The following GGA1 variants were observed in gnomAD, a reference collection of about 807,000 sequenced individuals.
GGA1 encodes ADP-ribosylation factor-binding protein GGA1.
GGA1 carries 18 observed loss-of-function variants against 76.9 expected under a neutral mutation model. The observed-to-expected ratio is 0.23, with a 90% CI of 0.16 to 0.35. The LOEUF is 0.35. Ranked by LOEUF, GGA1 falls within the 10% of genes least tolerant of loss-of-function variation. GGA1 has a pLI of 1.00. For missense variants in GGA1, 755 were observed against 859.0 expected, an observed-to-expected ratio of 0.88 and a Z score of 1.51; for synonymous variants, 342 against 354.7, an observed-to-expected ratio of 0.96 and a Z score of 0.40.
chr22:37,624,923 C>G lies in GGA1; in HGVS notation c.833-46C>G. The stretch of plus-strand genomic sequence containing the variant: ...GTCCTCGTCCCCTGCCGCCCAGAGG[C>G]CCCCACAGTCCTTCAGCCTGGCCTC... On this transcript the variant is annotated intron_variant, in intron 9 of 16. Transcript: ENST00000343632. This position sits in a 1 kb window ranked among gnomAD's most constrained non-coding sequence, Gnocchi z 4.3. 6.5e-7 allele frequency: 1 copy of G among 1,544,704 alleles called. No individual in the cohort carries two copies. Among genetic ancestry groups the G allele is most frequent in the African/African-American group, 1.4e-5 (1 of 73,254 alleles).
At position 37,609,070 on chromosome 22, in the gene GGA1, GGACCCC is replaced by G. The variant is rs541287084; in HGVS notation, c.43+169_43+174del. On this transcript the variant is annotated intron_variant, in intron 1 of 16. Coordinates refer to ENST00000343632, the MANE Select transcript of GGA1 (RefSeq NM_013365.5). ...GCCCCTCAGACCCTGGAGCGATGGA[GGACCCC>G]GGCCCCGGCGCGGTCCAGCGGTGGG... is the stretch of plus-strand genomic sequence containing the variant. The G allele has an allele frequency of 3.4e-6, 5 of 1,490,530 alleles. No individual in the cohort carries two copies. In the African/African-American group the frequency reaches 5.9e-5, roughly 17 times the overall value. The allele number at this position is 1,490,530 out of a possible 1,614,324, so 92.3% of individuals were successfully genotyped here. A position where few individuals can be genotyped will look rare whatever the true frequency, so the allele number is the denominator to read the frequency against.
At chr22:37,613,256 C>T (rs1361026198) in intron 1 of GGA1, 5 of 744,514 alleles carry the variant, frequency 6.7e-6, no homozygotes, top group African/African-American at 1.9e-5. Context: ...CGCATCTTTC[C>T]TGCCCATACA....
intron 1 of GGA1, among the ~76,000 whole-genome samples, chr22:37,611,841 A>C (rs1185127096): frequency 6.6e-6 from 1 of 152,246 alleles, no homozygotes; most frequent in Non-Finnish European, 1.5e-5. Flanking sequence ...CCATGCAAAA[A>C]GTATTTTGTC....
Position 37,614,202 on chromosome 22 carries a change from AC to A in GGA1, c.61del (p.Leu21Ter). On this transcript the variant is annotated frameshift_variant, in exon 2 of 17. Transcript: ENST00000343632. LOFTEE classifies it high-confidence loss of function. ...TLEARINRAT[N>X]PLNKELDWAS... ...TCTCCTCTTCCAGATAGAGCCACGAACCCCCTGAACAAGGAGCTCGACTGGG... is the reference window on the plus strand; with the variant it reads ...TCTCCTCTTCCAGATAGAGCCACGAACCCCTGAACAAGGAGCTCGACTGGG... The A allele has an allele frequency of 6.2e-7, 1 of 1,612,896 alleles. No individual in the cohort carries two copies. Among genetic ancestry groups the A allele is most frequent in the Non-Finnish European group, 8.5e-7 (1 of 1,179,218 alleles).
rs144361028 is a variant in GGA1 at position 37,623,441 on chromosome 22, G to C, written c.724G>C (p.Ala242Pro). 1.3e-4 allele frequency: 205 copies of C among 1,614,090 alleles called. No individual in the cohort carries two copies. Among genetic ancestry groups the C allele is most frequent in the Non-Finnish European group, 1.5e-4 (176 of 1,179,984 alleles). Residue 242 changes from alanine (A) to proline (P), a missense_variant, in exon 8 of 17, where the codon GCT becomes CCT. Ala to Pro is a conservative substitution (Grantham distance 27). Transcript: ENST00000343632. The surrounding 1 kb of genome is among the most constrained non-coding windows in gnomAD (Gnocchi z 4.6). Reference sequence around the variant, plus strand: ...GAGCCACAGCCAGGGCGGCGCAGCAGCTGGCAGCAGCGAGGACCTCATGAA... The same window carrying C: ...GAGCCACAGCCAGGGCGGCGCAGCACCTGGCAGCAGCGAGGACCTCATGAA... ...VMSHSQGGAAAGSSEDLMKEL... is the reference protein window; with the variant it reads ...VMSHSQGGAAPGSSEDLMKEL...
Position 37,617,860 on chromosome 22 carries a change from G to A in GGA1, c.205-588G>A, listed in dbSNP as rs146919706. On this transcript the variant is annotated intron_variant, in intron 3 of 16. Transcript: ENST00000343632. ...AAAATAGGCCGGGCTGGTGGCTCAC[G>A]CCTGTAATCCCAGCACTTTGGCAGG... 1.7e-3 allele frequency: 1,152 copies of A among 692,648 alleles called. 15 individuals carry two copies. In the African/African-American group the frequency reaches 0.021, roughly 13 times the overall value. The allele number at this position is 692,648 out of a possible 1,614,324, so 42.9% of individuals were successfully genotyped here. A position where few individuals can be genotyped will look rare whatever the true frequency, so the allele number is the denominator to read the frequency against.
In GGA1 at chr22:37,632,238, A is replaced by C; in HGVS notation, c.1698+73A>C. The C allele has an allele frequency of 1.4e-6, 2 of 1,467,742 alleles. No individual in the cohort carries two copies. The highest frequency in any genetic ancestry group is 1.9e-6 in the Non-Finnish European group (2 of 1,061,240). The allele number at this position is 1,467,742 out of a possible 1,614,324, so 90.9% of individuals were successfully genotyped here. A position where few individuals can be genotyped will look rare whatever the true frequency, so the allele number is the denominator to read the frequency against. ...GTGACATGGAGCTGGGTGGGGAGCC[A>C]CCTGTCAGGGGGCAGGTCTCCCTCC... On this transcript the variant is annotated intron_variant, in intron 15 of 16. Transcript: ENST00000343632. This position sits in a 1 kb window ranked among gnomAD's most constrained non-coding sequence, Gnocchi z 5.1.
At chr22:37,620,090 C>A in intron 4 of GGA1, 148 bp from the exon 5 acceptor site, 1 of 794,218 alleles carries the variant, frequency 1.3e-6, no homozygotes, top group East Asian at 2.4e-5. Context: ...TCAGTCTACC[C>A]CAGGCTGGTT....
rs375071704 is a variant in GGA1 at position 37,614,285 on chromosome 22, G to A, written c.128+11G>A. ...CGAGGACTTTGAGGGGTAGGTGGCCGTCCCCACTTGTTTGCACTGCCCTGC... is the reference window on the plus strand; with the variant it reads ...CGAGGACTTTGAGGGGTAGGTGGCCATCCCCACTTGTTTGCACTGCCCTGC... On this transcript the variant is annotated intron_variant, in intron 2 of 16. Coordinates refer to ENST00000343632, the MANE Select transcript of GGA1 (RefSeq NM_013365.5). 19 of 1,592,014 alleles carry A rather than the reference G, an allele frequency of 1.2e-5. No homozygotes were observed. The highest frequency in any genetic ancestry group is 4.5e-5 in the East Asian group (2 of 44,786).
chr22:37,623,435 G>A lies in GGA1; in HGVS notation c.718G>A (p.Ala240Thr), dbSNP rs758323331. ...EMVMSHSQGG[A>T]AAGSSEDLMK... ...GGTGATGAGCCACAGCCAGGGCGGC[G>A]CAGCAGCTGGCAGCAGCGAGGACCT... is the stretch of plus-strand genomic sequence containing the variant. The change falls in exon 8 of 17, where the codon GCA (alanine) becomes ACA (threonine). Residue 240 changes from alanine (A) to threonine (T), a missense_variant. Transcript: ENST00000343632. This position sits in a 1 kb window ranked among gnomAD's most constrained non-coding sequence, Gnocchi z 4.6. The A allele has an allele frequency of 1.3e-5, 21 of 1,613,886 alleles. No individual in the cohort carries two copies. The highest frequency in any genetic ancestry group is 8.3e-5 in the Admixed American group (5 of 60,008).
At chr22:37,616,547 G>A (rs1006562082) in intron 2 of GGA1, among the ~76,000 whole-genome samples, 6 of 152,176 alleles carry the variant, frequency 3.9e-5, no homozygotes, top group African/African-American at 1.4e-4. Context: ...AGGGAACTGT[G>A]TCTGCCCGTC....
At chr22:37,620,672 C>A in intron 5 of GGA1, 141 bp from the exon 6 acceptor site, 1 of 675,858 alleles carries the variant, frequency 1.5e-6, no homozygotes, top group Non-Finnish European at 2.7e-6. Context: ...AGGCCCAGGC[C>A]ACTAAGAGTC....
In GGA1 at chr22:37,620,246, C is replaced by T; in HGVS notation, c.312C>T (p.Gly104=). ...LIKVVSPKYL[G]SRTSEKVKNK... ...CCACTGTGTCCCTGAAGTATCTGGG[C>T]TCTCGGACATCGGAGAAGGTGAAGA... The change falls in exon 5 of 17, where the codon GGC becomes GGT. Residue 104 remains glycine (G), a synonymous_variant. Coordinates refer to ENST00000343632, the MANE Select transcript of GGA1 (RefSeq NM_013365.5). 6.2e-7 allele frequency: 1 copy of T among 1,613,966 alleles called. No homozygotes were observed. Among genetic ancestry groups the T allele is most frequent in the Non-Finnish European group, 8.5e-7 (1 of 1,179,894 alleles).
Position 37,623,504 on chromosome 22 carries a change from A to G in GGA1, c.750+37A>G. 6.2e-7 allele frequency: 1 copy of G among 1,612,638 alleles called. No homozygotes were observed. The highest frequency in any genetic ancestry group is 8.5e-7 in the Non-Finnish European group (1 of 1,179,264). On this transcript the variant is annotated intron_variant, in intron 8 of 16. Coordinates refer to ENST00000343632, the MANE Select transcript of GGA1 (RefSeq NM_013365.5). This position sits in a 1 kb window ranked among gnomAD's most constrained non-coding sequence, Gnocchi z 4.6. Reference sequence around the variant, plus strand: ...TCCCTGCCTACCCCACTCCCTGCCCACTCCACAGCCCACGCGGACCCTGAC... The same window carrying G: ...TCCCTGCCTACCCCACTCCCTGCCCGCTCCACAGCCCACGCGGACCCTGAC...
At chr22:37,609,626 T>C (rs1927118912) in intron 1 of GGA1, among the ~76,000 whole-genome samples, 1 of 152,176 alleles carries the variant, frequency 6.6e-6, no homozygotes, top group Non-Finnish European at 1.5e-5. Context: ...TTGTTTCTCC[T>C]CAGACGTAGC....
Position 37,624,618 on chromosome 22 carries a change from G to T in GGA1, c.833-351G>T. The T allele has an allele frequency of 4.3e-6, 1 of 232,506 alleles. No homozygotes were observed. The highest frequency in any genetic ancestry group is 9.0e-6 in the Non-Finnish European group (1 of 110,724). 14.4% of individuals were successfully genotyped at this position (232,506 alleles called of 1,614,324 possible). On this transcript the variant is annotated intron_variant, in intron 9 of 16. Coordinates refer to ENST00000343632, the MANE Select transcript of GGA1 (RefSeq NM_013365.5). This position sits in a 1 kb window ranked among gnomAD's most constrained non-coding sequence, Gnocchi z 4.3. The stretch of plus-strand genomic sequence containing the variant: ...GTGGTGCAGGAGGGATTTAGGACAG[G>T]CCTCCCTGAGGTGAGCCTTGGGTGA...
At chr22:37,631,400 G>C (rs2146006821) in intron 14 of GGA1, among the ~76,000 whole-genome samples, 1 of 152,270 alleles carries the variant, frequency 6.6e-6, no homozygotes, top group South Asian at 2.1e-4. Context: ...GAGGTTTGGG[G>C]TCTCCCCCAG....
intron 13 of GGA1, 29 bp downstream of exon 13, chr22:37,630,199 T>G (rs1601559648): frequency 6.6e-7 from 1 of 1,512,448 alleles, no homozygotes; most frequent in Non-Finnish European, 8.9e-7. Context: ...TGGCATGGGG[T>G]GGGGAGCACT....
chr22:37,620,409 C>T (rs1368863931), intron 5 of GGA1, 48 bp downstream of exon 5: 4 of 1,606,644 alleles, frequency 2.5e-6, no homozygotes, highest in African/African-American at 2.7e-5. Flanking sequence ...CCTTCCCCTC[C>T]CCCACCATGA....
Sources: gnomAD v4.1 joint callset for allele counts (sites outside exome capture counted in the v4.1 genomes callset) on GRCh38, gnomAD v4.1.1 for gene constraint, Gnocchi (gnomAD v3.1) non-coding constraint, MANE v1.5 for transcripts, NCBI Gene and HGNC (gene_info 2026-07-23, HGNC 2026-07-21) for gene names.